UACA: variants seen among roughly 807,000 people sequenced by gnomAD.
The protein encoded by UACA is nuclear membrane binding protein.
A neutral mutation model predicts 160.5 loss-of-function variants in UACA; 112 were observed. The ratio of observed to expected loss-of-function variants is 0.70; its 90% CI spans 0.60 to 0.82. The LOEUF (loss-of-function observed/expected upper bound fraction) is 0.82. Among genes scored for constraint, UACA ranks in the 40% least tolerant of loss-of-function variants. UACA has a pLI of 0.00. For missense variants in UACA, 1,574 were observed against 1,614.6 expected (o/e 0.97, Z 0.43); for synonymous variants, 557 against 568.4 (o/e 0.98, Z 0.29).
At chr15:70,690,552 A>G (rs1284498349) in intron 4 of UACA, 41 bp from the exon 5 acceptor site, 1 of 1,504,510 alleles carries the variant, frequency 6.6e-7, no homozygotes, top group Non-Finnish European at 9.2e-7. Flanking sequence ...GGAGAGTTTT[A>G]TTTTAAAATT....
At chr15:70,701,925 T>C in intron 1 of UACA, 1 of 1,613,202 alleles carries the variant, frequency 6.2e-7, no homozygotes, top group Non-Finnish European at 8.5e-7. Flanking sequence ...TAGACAGGAT[T>C]TAGTTTCTTG....
intron 1 of UACA, among the ~76,000 whole-genome samples, chr15:70,709,438 T>C (rs1213533942): frequency 2.0e-5 from 3 of 152,174 alleles, no homozygotes; most frequent in Admixed American, 1.3e-4. Flanking sequence ...AAATCACAAG[T>C]TTTGACATTG....
the UACA span, among the ~76,000 whole-genome samples, chr15:70,776,306 T>C: frequency 6.6e-6 from 1 of 152,222 alleles, no homozygotes; most frequent in African/African-American, 2.4e-5. Context: ...GAGTATTTAC[T>C]TACTAAGTGC....
At chr15:70,706,078 T>C (rs1188738757) in intron 1 of UACA, among the ~76,000 whole-genome samples, 3 of 152,178 alleles carry the variant, frequency 2.0e-5, no homozygotes, top group Non-Finnish European at 4.4e-5. Context: ...TTATACACCA[T>C]GATCAACTGT....
At chr15:70,757,655 T>C (rs1016147401) in intron 1 of UACA, among the ~76,000 whole-genome samples, 2 of 152,254 alleles carry the variant, frequency 1.3e-5, no homozygotes, top group Non-Finnish European at 2.9e-5. Flanking sequence ...TTCCTGATCT[T>C]GAAAGAATGC....
At chr15:70,703,683 T>C (rs889420618) in intron 1 of UACA, among the ~76,000 whole-genome samples, 4 of 152,124 alleles carry the variant, frequency 2.6e-5, no homozygotes, top group Non-Finnish European at 5.9e-5. Context: ...ACTAAAGCCA[T>C]ATAAGGAGCG....
chr15:70,669,830 T>C (rs1254559288), intron 15 of UACA, among the ~76,000 whole-genome samples: 1 of 152,226 alleles, frequency 6.6e-6, no homozygotes, highest in East Asian at 1.9e-4. Flanking sequence ...CTATGTTTTA[T>C]GGTACATAAT....
chr15:70,662,430 T>C (rs1435681738), intron 17 of UACA, among the ~76,000 whole-genome samples: 3 of 152,208 alleles, frequency 2.0e-5, no homozygotes, highest in South Asian at 2.1e-4. Context: ...AAAATGGCTA[T>C]ACTGCCCAAG....
chr15:70,681,535 T>C (rs149551934), intron 9 of UACA: 87 of 152,350 alleles, frequency 5.7e-4, no homozygotes, highest in African/African-American at 2.0e-3. Flanking sequence ...ACAATTCCCA[T>C]ATTAATATTC....
chr15:70,686,389 G>A (rs1461773020), intron 7 of UACA, among the ~76,000 whole-genome samples: 3 of 151,702 alleles, frequency 2.0e-5, no homozygotes, highest in Non-Finnish European at 4.4e-5. Context: ...TCCTGATTGG[G>A]AATTGATTGA....
intron 1 of UACA, among the ~76,000 whole-genome samples, chr15:70,751,492 C>T (rs761089671): frequency 6.6e-6 from 1 of 152,206 alleles, no homozygotes; most frequent in Non-Finnish European, 1.5e-5. Flanking sequence ...CTATATAAAG[C>T]ACCGTATTAA....
intron 5 of UACA, among the ~76,000 whole-genome samples, chr15:70,690,166 C>G (rs1897878737): frequency 6.6e-6 from 1 of 151,784 alleles, no homozygotes. Context: ...CTCTCTCTCT[C>G]TCTCTCACAC....
At chr15:70,700,301 G>GTATATATATATATATATATATGTATATA (rs142277997) in intron 1 of UACA, among the ~76,000 whole-genome samples, 7 of 129,934 alleles carry the variant, frequency 5.4e-5, no homozygotes, top group African/African-American at 2.4e-4. Context: ...GAGGCAAATT[G>GTATATATATATATATATATATGTATATA]TATATATATA....
At chr15:70,709,543 GAATACATT>G (rs1487924253) in intron 1 of UACA, among the ~76,000 whole-genome samples, 3 of 152,058 alleles carry the variant, frequency 2.0e-5, no homozygotes, top group Non-Finnish European at 2.9e-5. Flanking sequence ...AGAAAGCCTA[GAATACATT>G]TAAGTGTATA....
At chr15:70,761,887 A>G (rs1317709177) in intron 1 of UACA, among the ~76,000 whole-genome samples, 3 of 152,230 alleles carry the variant, frequency 2.0e-5, no homozygotes, top group Admixed American at 6.5e-5. Context: ...AGTGGGATTT[A>G]CATCCTTAGT....
At position 70,699,537 on chromosome 15, in the gene UACA, C is replaced by T; in HGVS notation, c.202G>A (p.Gly68Ser). The change falls in exon 2 of 19, where the codon GGC becomes AGC. Residue 68 changes from glycine to serine, a missense_variant. Physicochemically the swap from Gly to Ser is moderately conservative, Grantham distance 56. Coordinates refer to ENST00000322954, the MANE Select transcript of UACA (RefSeq NM_018003.4). Reference protein sequence around the residue: ...GVNPGKLDVEGRSVFHVVTSK... With the variant: ...GVNPGKLDVESRSVFHVVTSK... ...ATCAATAATACTTACACAGATCTGC[C>T]TTCCACATCTAGTTTGCCTGGATTG... 1 of 1,610,876 alleles carries T rather than the reference C, an allele frequency of 6.2e-7. No individual in the cohort carries two copies. Among genetic ancestry groups the T allele is most frequent in the Non-Finnish European group, 8.5e-7 (1 of 1,179,160 alleles).
At chr15:70,663,767 C>G (rs1042752819) in intron 17 of UACA, among the ~76,000 whole-genome samples, 7 of 149,694 alleles carry the variant, frequency 4.7e-5, no homozygotes, top group Non-Finnish European at 8.9e-5. Context: ...ACTATCGCAA[C>G]GACAAAAAAC....
intron 11 of UACA, 31 bp downstream of exon 11, chr15:70,678,068 G>A: frequency 6.8e-7 from 1 of 1,472,476 alleles, no homozygotes; most frequent in Non-Finnish European, 9.2e-7. Context: ...TAGTAAGACA[G>A]TTTATTTTTC....
upstream of UACA, among the ~76,000 whole-genome samples, chr15:70,765,591 G>A (rs986624052): frequency 3.9e-5 from 6 of 152,206 alleles, no homozygotes; most frequent in African/African-American, 1.4e-4. Flanking sequence ...TTAAAATTGG[G>A]GAATAACTGA....
Sources: allele counts gnomAD v4.1 joint callset (sites outside exome capture counted in the v4.1 genomes callset), GRCh38; gene constraint gnomAD v4.1.1; transcripts MANE v1.5; gene names NCBI Gene and HGNC (gene_info 2026-07-23, HGNC 2026-07-21).